The following CNTN5 variants were observed in gnomAD, a reference collection of about 807,000 sequenced individuals.
CNTN5 encodes the protein contactin 5.
A neutral mutation model predicts 129.1 loss-of-function variants in CNTN5; 77 were observed. The observed-to-expected ratio is 0.60, with a 90% confidence interval of 0.50 to 0.72. The LOEUF (loss-of-function observed/expected upper bound fraction) is 0.72. Among genes scored for constraint, CNTN5 ranks in the 30% least tolerant of loss-of-function variants. The pLI, the probability that CNTN5 is intolerant of heterozygous loss-of-function variation, is 0.00. For missense variants in CNTN5, 1,478 were observed against 1,328.8 expected (o/e 1.11, Z -1.75); for synonymous variants, 509 against 465.6 (o/e 1.09, Z -1.20).
At chr11:99,934,169 C>G (rs1418702904) in intron 7 of CNTN5, among the ~76,000 whole-genome samples, 3 of 152,174 alleles carry the variant, frequency 2.0e-5, no homozygotes, top group Non-Finnish European at 2.9e-5. Flanking sequence ...TCCTAGTTAG[C>G]ATTCTTTCCA....
chr11:99,541,829 G>A (rs913153337), intron 2 of CNTN5, among the ~76,000 whole-genome samples: 1 of 151,856 alleles, frequency 6.6e-6, no homozygotes, highest in South Asian at 2.1e-4. Context: ...TGTGCCTGTA[G>A]TCCTAGCTAC....
chr11:99,117,859 G>A (rs773518076), intron 1 of CNTN5, among the ~76,000 whole-genome samples: 1 of 152,282 alleles, frequency 6.6e-6, no homozygotes, highest in Non-Finnish European at 1.5e-5. Context: ...AAATCTGATA[G>A]CATCATGGAC....
chr11:99,965,595 T>G (rs894352076), intron 8 of CNTN5, among the ~76,000 whole-genome samples: 4 of 152,232 alleles, frequency 2.6e-5, no homozygotes, highest in Non-Finnish European at 4.4e-5. Context: ...TGGTCAGTTT[T>G]GGAACAGGTG....
chr11:99,419,275 C>T (rs920178898), intron 2 of CNTN5, among the ~76,000 whole-genome samples: 1 of 152,248 alleles, frequency 6.6e-6, no homozygotes, highest in African/African-American at 2.4e-5. Context: ...TGTAAATAGA[C>T]CAGTCACTGT....
intron 13 of CNTN5, among the ~76,000 whole-genome samples, chr11:100,157,118 T>TTTATCACTTTTCTTAATATGCAAA (rs1459335768): frequency 1.3e-5 from 2 of 151,908 alleles, no homozygotes; most frequent in African/African-American, 4.8e-5. Flanking sequence ...CTGCTTTCTT[T>TTTATCACTTTTCTTAATATGCAAA]TTATCACTTT....
intron 8 of CNTN5, among the ~76,000 whole-genome samples, chr11:99,975,755 T>C (rs1937912326): frequency 1.3e-5 from 2 of 152,166 alleles, no homozygotes; most frequent in African/African-American, 4.8e-5. Context: ...CATATGGGGA[T>C]TACAATTTGA....
At chr11:99,173,028 A>C (rs534013061) in intron 1 of CNTN5, among the ~76,000 whole-genome samples, 3 of 152,324 alleles carry the variant, frequency 2.0e-5, no homozygotes, top group African/African-American at 7.2e-5. Flanking sequence ...CAGCAGGCAA[A>C]GAGAGAGCTT....
intron 2 of CNTN5, among the ~76,000 whole-genome samples, chr11:99,497,021 C>T (rs1308434317): frequency 6.6e-6 from 1 of 152,224 alleles, no homozygotes; most frequent in East Asian, 1.9e-4. Flanking sequence ...GCTTAATTTA[C>T]TCATCTGTGA....
intron 13 of CNTN5, among the ~76,000 whole-genome samples, chr11:100,159,232 G>C (rs1420757127): frequency 2.0e-5 from 3 of 151,840 alleles, no homozygotes; most frequent in Non-Finnish European, 4.4e-5. Flanking sequence ...GGTGTGTAGG[G>C]TTGTGATCAT....
chr11:99,646,035 G>GA (rs1381936024), intron 3 of CNTN5, among the ~76,000 whole-genome samples: 10 of 152,178 alleles, frequency 6.6e-5, no homozygotes, highest in African/African-American at 2.4e-4. Context: ...AAAGTTTACT[G>GA]AACAAGTCCA....
intron 3 of CNTN5, among the ~76,000 whole-genome samples, chr11:99,785,458 G>C (rs541433840): frequency 3.9e-5 from 6 of 152,092 alleles, no homozygotes; most frequent in African/African-American, 1.4e-4. Flanking sequence ...TGGTGTTTTA[G>C]GTATGAAGTC....
At chr11:99,361,851 T>C (rs1939132639) in intron 2 of CNTN5, among the ~76,000 whole-genome samples, 1 of 152,132 alleles carries the variant, frequency 6.6e-6, no homozygotes, top group Non-Finnish European at 1.5e-5. Context: ...AATATTCCAT[T>C]GTATGTATAT....
chr11:99,509,865 A>C (rs2135407750), intron 2 of CNTN5, among the ~76,000 whole-genome samples: 1 of 152,122 alleles, frequency 6.6e-6, no homozygotes, highest in East Asian at 1.9e-4. Flanking sequence ...AATTCAAACA[A>C]TGTGATAATA....
intron 2 of CNTN5, among the ~76,000 whole-genome samples, chr11:99,399,392 T>C (rs1941685659): frequency 6.6e-6 from 1 of 151,630 alleles, no homozygotes; most frequent in African/African-American, 2.4e-5. Flanking sequence ...AACTAAATTA[T>C]TGAGTAATAA....
chr11:100,126,435 A>G (rs1420253346), intron 13 of CNTN5, among the ~76,000 whole-genome samples: 1 of 152,104 alleles, frequency 6.6e-6, no homozygotes, highest in African/African-American at 2.4e-5. Context: ...TTGTAGGTCT[A>G]GAAGTACTTG....
At chr11:99,705,839 C>A (rs1403712298) in intron 3 of CNTN5, among the ~76,000 whole-genome samples, 1 of 151,230 alleles carries the variant, frequency 6.6e-6, no homozygotes, top group Non-Finnish European at 1.5e-5. Context: ...ATTACATAGT[C>A]CTGATCCTCA....
At chr11:99,544,887 G>T (rs965306039) in intron 2 of CNTN5, among the ~76,000 whole-genome samples, 5 of 152,124 alleles carry the variant, frequency 3.3e-5, no homozygotes, top group African/African-American at 1.2e-4. Context: ...TAGCCATTTG[G>T]ATTAAAGTTT....
chr11:99,787,102 T>G (rs1171418379), intron 3 of CNTN5, among the ~76,000 whole-genome samples: 1 of 149,412 alleles, frequency 6.7e-6, no homozygotes, highest in South Asian at 2.1e-4. Flanking sequence ...TTTTTTTTTG[T>G]TTTTTATTTA....
rs111303482 is a variant in CNTN5 at position 99,276,953 on chromosome 11, C to T, written c.-209-48393C>T. On this transcript the variant is annotated intron_variant, in intron 1 of 24. Coordinates refer to ENST00000524871, the MANE Select transcript of CNTN5 (RefSeq NM_014361.4). The stretch of plus-strand genomic sequence containing the variant: ...TTGCAAAAGAAGAGTCAAAAGGCTG[C>T]AATTATTAGGATATGTGATATAAAC... 8.9e-3 allele frequency among the ~76,000 whole-genome samples: 1,353 copies of T among 151,360 alleles called. 18 individuals are homozygous for T. Among genetic ancestry groups the T allele is most frequent in the African/African-American group, 0.03 (1,230 of 41,374 alleles).
Sources: allele counts gnomAD v4.1 joint callset (sites outside exome capture counted in the v4.1 genomes callset), GRCh38; gene constraint gnomAD v4.1.1; transcripts MANE v1.5; gene names NCBI Gene and HGNC (gene_info 2026-07-23, HGNC 2026-07-21).